The following EFNA5 variants were observed in gnomAD, a reference collection of about 807,000 sequenced individuals.
The protein encoded by EFNA5 is ephrin-A5.
Under a neutral mutation model 22.9 loss-of-function variants are expected in EFNA5, and 5 were observed. That is an observed-to-expected ratio of 0.22 (90% CI 0.11 to 0.46). The LOEUF is 0.46. Among genes scored for constraint, EFNA5 ranks in the 20% least tolerant of loss-of-function variants. The pLI, the probability that EFNA5 is intolerant of heterozygous loss-of-function variation, is 0.99. For synonymous variants in EFNA5, 113 were observed against 112.2 expected (o/e 1.01, Z -0.04); for missense variants, 237 against 293.3 (o/e 0.81, Z 1.40).
At chr5:107,388,517 A>G (rs1426480248) in intron 2 of EFNA5, 1 of 152,052 alleles carries the variant, frequency 6.6e-6, no homozygotes, top group African/African-American at 2.4e-5. Flanking sequence ...TCAAGTTATA[A>G]ATCACTTGAG....
chr5:107,664,284 C>G (rs932967156), intron 1 of EFNA5, among the ~76,000 whole-genome samples: 6 of 152,086 alleles, frequency 3.9e-5, no homozygotes, highest in Admixed American at 6.6e-5. Flanking sequence ...TCAGAAAAAA[C>G]TTGATTAATT....
At chr5:107,406,064 A>G (rs192791137) in intron 2 of EFNA5, among the ~76,000 whole-genome samples, 19 of 106,292 alleles carry the variant, frequency 1.8e-4, no homozygotes, top group African/African-American at 6.7e-4. Context: ...CTATGTATTT[A>G]TATACATAGA....
At chr5:107,431,481 C>T (rs1748957185) in intron 1 of EFNA5, among the ~76,000 whole-genome samples, 1 of 152,184 alleles carries the variant, frequency 6.6e-6, no homozygotes, top group South Asian at 2.1e-4. Context: ...TCAACTTAAT[C>T]TCTATTACGA....
chr5:107,553,040 A>G (rs567444918), intron 1 of EFNA5, among the ~76,000 whole-genome samples: 1 of 152,238 alleles, frequency 6.6e-6, no homozygotes, highest in Non-Finnish European at 1.5e-5. Flanking sequence ...CCTCTAAGGA[A>G]TTAGCTTTAG....
At chr5:107,458,598 T>G (rs1043486649) in intron 1 of EFNA5, among the ~76,000 whole-genome samples, 1 of 151,930 alleles carries the variant, frequency 6.6e-6, no homozygotes, top group Non-Finnish European at 1.5e-5. Context: ...GACAATAAAC[T>G]GCAGTTATAA....
chr5:107,626,240 C>T (rs1376950263), intron 1 of EFNA5, among the ~76,000 whole-genome samples: 1 of 152,154 alleles, frequency 6.6e-6, no homozygotes, highest in African/African-American at 2.4e-5. Context: ...ATCATCCTAG[C>T]AAACAGAATA....
intron 1 of EFNA5, among the ~76,000 whole-genome samples, chr5:107,450,407 C>T (rs1180937872): frequency 6.6e-6 from 1 of 152,170 alleles, no homozygotes; most frequent in African/African-American, 2.4e-5. Context: ...TCCTGCCATG[C>T]TCCCTCTCTT....
intron 1 of EFNA5, among the ~76,000 whole-genome samples, chr5:107,656,457 C>T (rs1019102427): frequency 6.6e-6 from 1 of 152,106 alleles, no homozygotes; most frequent in Non-Finnish European, 1.5e-5. Flanking sequence ...CAAAATGATA[C>T]AATTTGGTCT....
At chr5:107,575,783 A>T (rs1165117278) in intron 1 of EFNA5, among the ~76,000 whole-genome samples, 1 of 152,226 alleles carries the variant, frequency 6.6e-6, no homozygotes, top group Non-Finnish European at 1.5e-5. Context: ...GAGATTATAA[A>T]GAAAAAAGAC....
chr5:107,566,651 T>G (rs1224033722), intron 1 of EFNA5, among the ~76,000 whole-genome samples: 3 of 152,174 alleles, frequency 2.0e-5, no homozygotes, highest in Non-Finnish European at 4.4e-5. Context: ...TTCACAGACA[T>G]CACACACTTA....
intron 1 of EFNA5, among the ~76,000 whole-genome samples, chr5:107,468,312 T>C (rs1750047456): frequency 6.6e-6 from 1 of 152,210 alleles, no homozygotes; most frequent in African/African-American, 2.4e-5. Context: ...TAGTCACCCT[T>C]AGGCAGGAAA....
chr5:107,538,750 C>T (rs575359564), intron 1 of EFNA5, among the ~76,000 whole-genome samples: 132 of 152,312 alleles, frequency 8.7e-4, no homozygotes, highest in Middle Eastern at 3.4e-3. Flanking sequence ...GGTTACTCCA[C>T]GCTATGTTCG....
At chr5:107,424,924 T>A (rs916847683) in intron 2 of EFNA5, among the ~76,000 whole-genome samples, 1 of 152,138 alleles carries the variant, frequency 6.6e-6, no homozygotes, top group Admixed American at 6.5e-5. Flanking sequence ...AAAATTCAAT[T>A]TAACTGAACA....
At chr5:107,470,865 T>A (rs1387195918) in intron 1 of EFNA5, among the ~76,000 whole-genome samples, 3 of 151,538 alleles carry the variant, frequency 2.0e-5, no homozygotes, top group Admixed American at 2.0e-4. Flanking sequence ...ACCTTATCTC[T>A]AAAAAAAATT....
In EFNA5 at chr5:107,540,817, A is replaced by C. The variant is rs545642551; in HGVS notation, c.126-113308T>G. Among the ~76,000 whole-genome samples the C allele has an allele frequency of 2.6e-5, 4 of 152,360 alleles. No individual in the cohort carries two copies. In the East Asian group the frequency reaches 5.8e-4, roughly 22 times the overall value. ...ATAAACATTTCTGTTTAGAAATTTT[A>C]ATCAAGAAAAAAAATTAAGGCTGGG... On this transcript the variant is annotated intron_variant, in intron 1 of 4. Transcript: ENST00000333274.
chr5:107,572,375 AGTCACGGTTCTCTGCAGT>A (rs1748832840), intron 1 of EFNA5, among the ~76,000 whole-genome samples: 1 of 152,188 alleles, frequency 6.6e-6, no homozygotes, highest in Non-Finnish European at 1.5e-5. Flanking sequence ...ATCTTTGTCC[AGTCACGGTTCTCTGCAGT>A]CAGATAAAAT....
At position 107,483,293 on chromosome 5, in the gene EFNA5, G is replaced by A. The variant is rs529358998; in HGVS notation, c.126-55784C>T. On this transcript the variant is annotated intron_variant, in intron 1 of 4. Coordinates refer to ENST00000333274, the MANE Select transcript of EFNA5 (RefSeq NM_001962.3). ...TCAATGGTCTACCAGATCCACCCAG[G>A]CCCTAATCCTCTTTGTTGTCATGGA... Among the ~76,000 whole-genome samples, 7 of 152,128 alleles carry A rather than the reference G, an allele frequency of 4.6e-5. No homozygotes were observed. In the South Asian group the frequency reaches 1.5e-3, roughly 32 times the overall value.
chr5:107,506,582 G>A (rs1366177984), intron 1 of EFNA5, among the ~76,000 whole-genome samples: 2 of 152,184 alleles, frequency 1.3e-5, no homozygotes, highest in Non-Finnish European at 2.9e-5. Context: ...GCAGGAGCAG[G>A]GGATTTGAGA....
chr5:107,385,299 T>A (rs1387816478), intron 4 of EFNA5, among the ~76,000 whole-genome samples: 1 of 152,204 alleles, frequency 6.6e-6, no homozygotes, highest in Non-Finnish European at 1.5e-5. Context: ...AGAATAGTCC[T>A]CCATGTGCCT....
Sources: allele counts gnomAD v4.1 joint callset (sites outside exome capture counted in the v4.1 genomes callset), GRCh38; gene constraint gnomAD v4.1.1; transcripts MANE v1.5; gene names NCBI Gene and HGNC (gene_info 2026-07-23, HGNC 2026-07-21).